Variants in ZC3H7B observed in about 807,000 individuals in gnomAD.
ZC3H7B encodes the protein zinc finger CCCH-type containing 7B.
Under a neutral mutation model 116.0 loss-of-function variants are expected in ZC3H7B, and 35 were observed. That is an observed-to-expected ratio of 0.30 (90% confidence interval 0.23 to 0.40). The LOEUF (loss-of-function observed/expected upper bound fraction) is 0.40, where lower values mean the gene tolerates loss of function less well. ZC3H7B is among the 10% of genes least tolerant of loss of function. The pLI is 1.00. For missense variants in ZC3H7B, 1,011 were observed against 1,321.5 expected (o/e 0.77, Z 3.64); for synonymous variants, 502 against 545.6 (o/e 0.92, Z 1.11).
chr22:41,331,872 T>A (rs557336499), intron 6 of ZC3H7B, among the ~76,000 whole-genome samples: 1 of 152,186 alleles, frequency 6.6e-6, no homozygotes, highest in South Asian at 2.1e-4. Context: ...AGAAAAAATT[T>A]AAAAATTAAC....
chr22:41,326,660 C>T (rs1347667048), intron 4 of ZC3H7B, among the ~76,000 whole-genome samples: 2 of 152,252 alleles, frequency 1.3e-5, no homozygotes, highest in African/African-American at 4.8e-5. Context: ...TCCTCCTCTT[C>T]CCTGTCCTGT....
intron 1 of ZC3H7B, among the ~76,000 whole-genome samples, chr22:41,305,651 A>G (rs1228422636): frequency 2.0e-5 from 3 of 152,056 alleles, no homozygotes; most frequent in Non-Finnish European, 4.4e-5. Context: ...CAGTGAAAGC[A>G]CTCTCAGTAG....
intron 7 of ZC3H7B, 51 bp downstream of exon 7, chr22:41,332,278 T>A: frequency 1.2e-6 from 2 of 1,604,124 alleles, no homozygotes; most frequent in Non-Finnish European, 1.7e-6. Context: ...TATGAGAGGT[T>A]TGGATTCACT....
chr22:41,307,465 G>A (rs1243077042), intron 1 of ZC3H7B, among the ~76,000 whole-genome samples: 1 of 152,212 alleles, frequency 6.6e-6, no homozygotes, highest in Non-Finnish European at 1.5e-5. Flanking sequence ...GGGCTATGGA[G>A]GCCCAGAGGG....
chr22:41,352,146 C>T (rs1032957249), intron 17 of ZC3H7B, among the ~76,000 whole-genome samples: 1 of 152,168 alleles, frequency 6.6e-6, no homozygotes, highest in South Asian at 2.1e-4. Flanking sequence ...TTTTCATCTC[C>T]CTTGATGAAG....
chr22:41,317,207 T>C (rs2036196559), intron 1 of ZC3H7B, among the ~76,000 whole-genome samples: 1 of 151,970 alleles, frequency 6.6e-6, no homozygotes, highest in Non-Finnish European at 1.5e-5. Context: ...CTCGAACTCC[T>C]GACCTCAGGT....
chr22:41,326,140 A>T (rs73885772), intron 4 of ZC3H7B, among the ~76,000 whole-genome samples: 11,586 of 152,040 alleles, frequency 0.076, 788 homozygotes, highest in African/African-American at 0.18. Context: ...AAAAGTTTTT[A>T]AAAAAAATGA....
At chr22:41,321,164 C>T (rs983980450) in intron 2 of ZC3H7B, among the ~76,000 whole-genome samples, 9 of 151,804 alleles carry the variant, frequency 5.9e-5, no homozygotes, top group Non-Finnish European at 1.2e-4. Context: ...ATCCTGCCTC[C>T]ACCTCCCATG....
At chr22:41,323,798 C>G (rs143069388) in intron 2 of ZC3H7B, among the ~76,000 whole-genome samples, 3 of 152,284 alleles carry the variant, frequency 2.0e-5, no homozygotes, top group African/African-American at 7.2e-5. Context: ...CGGCCGGGCG[C>G]GGTGGCTCAT....
In ZC3H7B at chr22:41,339,070, A is replaced by G. The variant is rs777663552; in HGVS notation, c.695A>G (p.His232Arg). ...PSTPTMPLFPHVLDLLAPLDS... is the reference protein window; with the variant it reads ...PSTPTMPLFPRVLDLLAPLDS... ...ACGCCCACGATGCCCCTGTTCCCTCACGTTCTGGACCTGCTGGCCCCCCTG... is the reference window on the plus strand; with the variant it reads ...ACGCCCACGATGCCCCTGTTCCCTCGCGTTCTGGACCTGCTGGCCCCCCTG... The change falls in exon 9 of 23, where the codon CAC becomes CGC. Residue 232 changes from histidine to arginine, a missense_variant. By Grantham distance (29) the His-to-Arg change is conservative. Coordinates refer to ENST00000352645, the MANE Select transcript of ZC3H7B (RefSeq NM_017590.6). 5.6e-6 allele frequency: 9 copies of G among 1,611,636 alleles called. No individual in the cohort carries two copies. Among genetic ancestry groups the G allele is most frequent in the South Asian group, 2.2e-5 (2 of 90,522 alleles).
At chr22:41,320,347 AAG>A (rs1491199073) in intron 1 of ZC3H7B, among the ~76,000 whole-genome samples, 3 of 151,728 alleles carry the variant, frequency 2.0e-5, no homozygotes, top group Admixed American at 6.6e-5. Context: ...AAAAAAAAAA[AAG>A]AGTTTTCCCT....
chr22:41,312,049 CG>C (rs1011838181), intron 1 of ZC3H7B, among the ~76,000 whole-genome samples: 19 of 151,304 alleles, frequency 1.3e-4, no homozygotes, highest in African/African-American at 4.6e-4. Flanking sequence ...AATACATCCT[CG>C]GGAGGCTGAG....
At chr22:41,344,856 G>A (rs1476586460) in intron 13 of ZC3H7B, among the ~76,000 whole-genome samples, 2 of 152,236 alleles carry the variant, frequency 1.3e-5, no homozygotes, top group African/African-American at 4.8e-5. Flanking sequence ...GCCCAGGCCA[G>A]AGTGAGTGGT....
In ZC3H7B at chr22:41,349,189, C is replaced by A; in HGVS notation, c.1836C>A (p.Phe612Leu). 1 of 1,613,862 alleles carries A rather than the reference C, an allele frequency of 6.2e-7. No individual in the cohort carries two copies. Among genetic ancestry groups the A allele is most frequent in the Non-Finnish European group, 8.5e-7 (1 of 1,180,026 alleles). The change falls in exon 16 of 23, where the codon TTC (phenylalanine) becomes TTA (leucine). Residue 612 changes from phenylalanine (F) to leucine (L), a missense_variant. Phe to Leu is a conservative substitution (Grantham distance 22). Around this residue, in one of 5 missense-constraint regions of ZC3H7B, gnomAD observed 406 missense variants for 590.2 expected, o/e 0.69. Transcript: ENST00000352645. This position sits in a 1 kb window ranked among gnomAD's most constrained non-coding sequence, Gnocchi z 4.9. ...AGATCCGCCAGTTCCAGGAGCACTTCCAGTTCGACGTGTGCCGCCATGAGG... is the reference window on the plus strand; with the variant it reads ...AGATCCGCCAGTTCCAGGAGCACTTACAGTTCGACGTGTGCCGCCATGAGG... ...YSKIRQFQEH[F>L]QFDVCRHEVR...
Position 41,340,096 on chromosome 22 carries a change from G to A in ZC3H7B, c.1097G>A (p.Gly366Glu), listed in dbSNP as rs1448113051. The change falls in exon 10 of 23, where the codon GGG becomes GAG. Residue 366 changes from glycine to glutamate, a missense_variant. Physicochemically the swap from Gly to Glu is moderately conservative, Grantham distance 98 (BLOSUM62 -2). Coordinates refer to ENST00000352645, the MANE Select transcript of ZC3H7B (RefSeq NM_017590.6). ...CGGCTGGATGCACTCGACAGCTTTGGGTCGACACGAGGCTCCCTGGACAAA... is the reference window on the plus strand; with the variant it reads ...CGGCTGGATGCACTCGACAGCTTTGAGTCGACACGAGGCTCCCTGGACAAA... ...ETRLDALDSFGSTRGSLDKPD... is the reference protein window; with the variant it reads ...ETRLDALDSFESTRGSLDKPD... 1 of 1,611,540 alleles carries A rather than the reference G, an allele frequency of 6.2e-7. No homozygotes were observed. The highest frequency in any genetic ancestry group is 8.5e-7 in the Non-Finnish European group (1 of 1,179,570).
intron 7 of ZC3H7B, chr22:41,336,353 C>T (rs562818425): frequency 6.6e-6 from 1 of 152,256 alleles, no homozygotes; most frequent in South Asian, 2.1e-4. Context: ...CATGGTGAAA[C>T]CCCATCTCTA....
chr22:41,332,013 G>C (rs1417310958), intron 6 of ZC3H7B, among the ~76,000 whole-genome samples, 158 bp from the exon 7 acceptor site: 1 of 152,106 alleles, frequency 6.6e-6, no homozygotes, highest in Non-Finnish European at 1.5e-5. Flanking sequence ...CAGAGAGACA[G>C]AGCAGTTGAT....
In ZC3H7B at chr22:41,357,768, G is replaced by A; in HGVS notation, c.*339G>A. 5.9e-6 allele frequency: 2 copies of A among 336,572 alleles called. No individual in the cohort carries two copies. The highest frequency in any genetic ancestry group is 1.1e-5 in the Non-Finnish European group (2 of 179,010). The allele number at this position is 336,572 out of a possible 1,614,324, so 20.8% of individuals were successfully genotyped here. A position where few individuals can be genotyped will look rare whatever the true frequency, so the allele number is the denominator to read the frequency against. On this transcript the variant is annotated 3_prime_UTR_variant, in exon 23 of 23. Coordinates refer to ENST00000352645, the MANE Select transcript of ZC3H7B (RefSeq NM_017590.6). The surrounding 1 kb of genome is among the most constrained non-coding windows in gnomAD (Gnocchi z 5.4). ...CTCCTAATGGGGGCCCAAAGCTCAGGGCTGGGGAGCCTGGGGTCCCCACTT... is the reference window on the plus strand; with the variant it reads ...CTCCTAATGGGGGCCCAAAGCTCAGAGCTGGGGAGCCTGGGGTCCCCACTT...
chr22:41,320,753 C>T (rs747958709), intron 2 of ZC3H7B, 40 bp downstream of exon 2: 4 of 901,880 alleles, frequency 4.4e-6, no homozygotes, highest in South Asian at 3.9e-5. Context: ...GCTGGGTGGG[C>T]AAGGGTGGGT....
Sources: allele counts gnomAD v4.1 joint callset (sites outside exome capture counted in the v4.1 genomes callset), GRCh38; gene constraint gnomAD v4.1.1; regional missense constraint gnomAD v4.1.1; non-coding constraint Gnocchi (gnomAD v3.1); transcripts MANE v1.5; gene names NCBI Gene and HGNC (gene_info 2026-07-23, HGNC 2026-07-21).